PTPRG: variants seen among roughly 807,000 people sequenced by gnomAD.
The protein encoded by PTPRG is protein tyrosine phosphatase receptor type G.
PTPRG carries 102 observed loss-of-function variants against 165.3 expected under a neutral mutation model. That is an observed-to-expected ratio of 0.62 (90% CI 0.53 to 0.73). The LOEUF (loss-of-function observed/expected upper bound fraction) is 0.73. Among genes scored for constraint, PTPRG ranks in the 30% least tolerant of loss-of-function variants. PTPRG has a pLI of 0.00. For missense variants in PTPRG, 1,866 were observed against 1,861.4 expected (o/e 1.00, Z -0.05); for synonymous variants, 675 against 669.5 (o/e 1.01, Z -0.13).
At chr3:62,059,533 A>G (rs1700736479) in intron 4 of PTPRG, among the ~76,000 whole-genome samples, 2 of 152,234 alleles carry the variant, frequency 1.3e-5, no homozygotes, top group African/African-American at 4.8e-5. Flanking sequence ...TTAAAAACCA[A>G]CTGCTGTTGA....
Position 61,986,767 on chromosome 3 carries a change from TAAGA to T in PTPRG, c.191-2853_191-2850del, listed in dbSNP as rs1250066388. 1.2e-4 allele frequency among the ~76,000 whole-genome samples: 19 copies of T among 152,340 alleles called. No individual in the cohort carries two copies. In the East Asian group the frequency reaches 3.5e-3, roughly 28 times the overall value. ...CAAAATACAGATGTCTTGTTACTTCTAAGAAAGAGTCAGTAAGAGGAAACTAAAG... is the reference window on the plus strand; with the variant it reads ...CAAAATACAGATGTCTTGTTACTTCTAAGAGTCAGTAAGAGGAAACTAAAG... On this transcript the variant is annotated intron_variant, in intron 2 of 29. Transcript: ENST00000474889.
At chr3:61,970,110 C>G (rs1381628904) in intron 2 of PTPRG, among the ~76,000 whole-genome samples, 1 of 152,104 alleles carries the variant, frequency 6.6e-6, no homozygotes, top group South Asian at 2.1e-4. Context: ...TAATGAAATG[C>G]CACTTTTTTG....
At chr3:61,751,834 C>CA (rs926115591) in intron 2 of PTPRG, among the ~76,000 whole-genome samples, 17 of 150,718 alleles carry the variant, frequency 1.1e-4, no homozygotes, top group African/African-American at 2.4e-4. Context: ...ACTAAAAATA[C>CA]AAAAAAAAAT....
chr3:61,583,802 T>G (rs1422840300), intron 1 of PTPRG, among the ~76,000 whole-genome samples: 1 of 152,192 alleles, frequency 6.6e-6, no homozygotes, highest in African/African-American at 2.4e-5. Flanking sequence ...ATCCTTGCCC[T>G]TTCAAAGCTG....
intron 2 of PTPRG, among the ~76,000 whole-genome samples, chr3:61,975,616 A>G (rs192957382): frequency 6.6e-6 from 1 of 152,144 alleles, no homozygotes; most frequent in East Asian, 1.9e-4. Context: ...CTAAAATGAA[A>G]CTGTGTTTCA....
chr3:61,566,183 A>T (rs1353283430), intron 1 of PTPRG, among the ~76,000 whole-genome samples: 2 of 152,228 alleles, frequency 1.3e-5, no homozygotes, highest in Non-Finnish European at 2.9e-5. Context: ...GGGTTGGCTG[A>T]TGTGGGAAAA....
intron 2 of PTPRG, among the ~76,000 whole-genome samples, chr3:61,948,414 C>G (rs1311529273): frequency 1.3e-5 from 2 of 152,166 alleles, no homozygotes; most frequent in Non-Finnish European, 2.9e-5. Flanking sequence ...TGAGCACCTG[C>G]TATGGCCAGG....
intron 2 of PTPRG, among the ~76,000 whole-genome samples, chr3:61,848,137 G>T (rs766232009): frequency 6.6e-6 from 1 of 152,228 alleles, no homozygotes; most frequent in East Asian, 1.9e-4. Context: ...TGCACACTTT[G>T]CATTGGCTGA....
chr3:61,835,791 C>G (rs943706908), intron 2 of PTPRG, among the ~76,000 whole-genome samples: 1 of 151,764 alleles, frequency 6.6e-6, no homozygotes, highest in Non-Finnish European at 1.5e-5. Flanking sequence ...GTAATCCCAG[C>G]ACTTTGGGAG....
chr3:61,572,525 G>T (rs981065983), intron 1 of PTPRG, among the ~76,000 whole-genome samples: 4 of 152,074 alleles, frequency 2.6e-5, no homozygotes, highest in Admixed American at 6.6e-5. Flanking sequence ...GCATTTAAAA[G>T]AAAAAATAAA....
intron 1 of PTPRG, among the ~76,000 whole-genome samples, chr3:61,704,209 G>A (rs1328063781): frequency 6.6e-6 from 1 of 152,138 alleles, no homozygotes; most frequent in Non-Finnish European, 1.5e-5. Flanking sequence ...GTTTTTGTGG[G>A]CCAGTTACTA....
intron 13 of PTPRG, among the ~76,000 whole-genome samples, chr3:62,225,830 T>C (rs546021285): frequency 2.0e-5 from 3 of 152,082 alleles, no homozygotes; most frequent in African/African-American, 7.2e-5. Context: ...AATTTTTGTA[T>C]TTTTGGTAGA....
intron 8 of PTPRG, among the ~76,000 whole-genome samples, chr3:62,182,621 A>G (rs1459041964): frequency 1.3e-5 from 2 of 152,210 alleles, no homozygotes; most frequent in Admixed American, 6.5e-5. Context: ...GGCCTGACAT[A>G]TGGCCGGTGC....
At chr3:62,020,848 T>TTG (rs767862941) in intron 4 of PTPRG, among the ~76,000 whole-genome samples, 3 of 151,262 alleles carry the variant, frequency 2.0e-5, no homozygotes, top group African/African-American at 7.3e-5. Flanking sequence ...TTTTTTTGTT[T>TTG]TTTTTTTTTG....
intron 2 of PTPRG, among the ~76,000 whole-genome samples, chr3:61,817,925 A>T (rs1184521874): frequency 2.0e-5 from 3 of 152,244 alleles, no homozygotes; most frequent in African/African-American, 7.2e-5. Context: ...GGTAGAAGTC[A>T]GAATGAACAA....
chr3:62,171,386 GA>G (rs1288640010), intron 8 of PTPRG, among the ~76,000 whole-genome samples: 7 of 152,110 alleles, frequency 4.6e-5, no homozygotes, highest in Admixed American at 4.6e-4. Flanking sequence ...AGCAGTTTAG[GA>G]AATTTTCCTA....
chr3:62,206,989 A>G (rs1163872175), intron 12 of PTPRG, among the ~76,000 whole-genome samples: 1 of 151,162 alleles, frequency 6.6e-6, no homozygotes, highest in Non-Finnish European at 1.5e-5. Flanking sequence ...GCTTTCCCTT[A>G]TCACCTTCAG....
rs529992196 is a variant in PTPRG, at chr3:61,620,556, C to G, written c.85+58184C>G. Among the ~76,000 whole-genome samples, 52 of 152,168 alleles carry G rather than the reference C, an allele frequency of 3.4e-4. No individual in the cohort carries two copies. The South Asian group carries it at 0.011, about 32-fold the overall frequency. On this transcript the variant is annotated intron_variant, in intron 1 of 29. Transcript: ENST00000474889. ...CTTGAGGGTTTTTTTTGTTCCTCGT[C>G]CGGTGAATGGAGCAGTTCCAAAGTA...
At chr3:62,140,505 G>C (rs1328527097) in intron 6 of PTPRG, among the ~76,000 whole-genome samples, 2 of 152,120 alleles carry the variant, frequency 1.3e-5, no homozygotes, top group African/African-American at 2.4e-5. Flanking sequence ...TAAAGTGTGA[G>C]AACAGGTCCA....
Sources: gnomAD v4.1 joint callset for allele counts (sites outside exome capture counted in the v4.1 genomes callset) on GRCh38, gnomAD v4.1.1 for gene constraint, MANE v1.5 for transcripts, NCBI Gene and HGNC (gene_info 2026-07-23, HGNC 2026-07-21) for gene names.